CRABP2: variants seen among roughly 807,000 people sequenced by gnomAD.
CRABP2 encodes cellular retinoic acid binding protein 2, also known as cellular retinoic acid-binding protein 2.
Under a neutral mutation model 17.9 loss-of-function variants are expected in CRABP2, and 20 were observed. The observed-to-expected ratio is 1.12, with a 90% CI of 0.79 to 1.63. The LOEUF is 1.63. CRABP2 is among the 40% of genes most tolerant of loss of function. The probability of loss-of-function intolerance (pLI) is 0.00; values close to 1 mark genes in which losing one functional copy is unlikely to be tolerated. For missense variants in CRABP2, 151 were observed against 168.6 expected (o/e 0.90, Z 0.58); for synonymous variants, 76 against 66.4 (o/e 1.14, Z -0.70).
chr1:156,700,420 C>T (rs899706832), intron 3 of CRABP2, 122 bp downstream of exon 3: 16 of 775,098 alleles, frequency 2.1e-5, no homozygotes, highest in Non-Finnish European at 3.7e-5. Context: ...TCAAGCAGTC[C>T]CATCAGCAGG....
chr1:156,700,595 C>T lies in CRABP2; in HGVS notation c.313G>A (p.Gly105Ser). Reference sequence around the variant, plus strand: ...TCTCTGGTCCACGAGGTCTTGGGGCCCTCTCCCTTCAGGAGCTTCTGCTCA... The same window carrying T: ...TCTCTGGTCCACGAGGTCTTGGGGCTCTCTCCCTTCAGGAGCTTCTGCTCA... The part of the protein sequence containing the change: ...VCEQKLLKGE[G>S]PKTSWTRELT... The change falls in exon 3 of 4, where the codon GGC becomes AGC. Residue 105 changes from glycine to serine, a missense_variant. By Grantham distance (56) the Gly-to-Ser change is moderately conservative. Coordinates refer to ENST00000368222, the MANE Select transcript of CRABP2 (RefSeq NM_001878.4). The T allele has an allele frequency of 6.2e-7, 1 of 1,613,798 alleles. No individual in the cohort carries two copies. The highest frequency in any genetic ancestry group is 8.5e-7 in the Non-Finnish European group (1 of 1,179,986).
chr1:156,705,540 T>C lies in CRABP2; in HGVS notation c.-94A>G. 7.0e-7 allele frequency: 1 copy of C among 1,424,198 alleles called. No homozygotes were observed. Among genetic ancestry groups the C allele is most frequent in the Non-Finnish European group, 9.8e-7 (1 of 1,020,096 alleles). The allele number at this position is 1,424,198 out of a possible 1,614,324, so 88.2% of individuals were successfully genotyped here. ...AAGAGACGTCGCCGTCGCCGGGTCG[T>C]CAGGTTCTGGAACCAAGACAAGTCC... On this transcript the variant is annotated 5_prime_UTR_variant, in exon 1 of 4. Transcript: ENST00000368222. The surrounding 1 kb of genome is among the most constrained non-coding windows in gnomAD (Gnocchi z 5.2).
At chr1:156,704,517 T>G (rs1243877614) in intron 1 of CRABP2, among the ~76,000 whole-genome samples, 1 of 152,154 alleles carries the variant, frequency 6.6e-6, no homozygotes, top group Non-Finnish European at 1.5e-5. Context: ...CTGCCCCAGA[T>G]GTCTAGCCCA....
Position 156,700,582 on chromosome 1 carries a change from G to A in CRABP2, c.326C>T (p.Ser109Leu), listed in dbSNP as rs866002426. The A allele has an allele frequency of 3.7e-6, 6 of 1,614,040 alleles. No individual in the cohort carries two copies. The African/African-American group carries it at 4.0e-5, about 11-fold the overall frequency. The change falls in exon 3 of 4, where the codon TCG becomes TTG. Residue 109 changes from serine (S) to leucine (L), a missense_variant. Physicochemically the swap from Ser to Leu is moderately radical, Grantham distance 145 (BLOSUM62 -2). Coordinates refer to ENST00000368222, the MANE Select transcript of CRABP2 (RefSeq NM_001878.4). ...ATCGTTGGTCAGTTCTCTGGTCCAC[G>A]AGGTCTTGGGGCCCTCTCCCTTCAG... is the stretch of plus-strand genomic sequence containing the variant. ...KLLKGEGPKTSWTRELTNDGE... is the reference protein window; with the variant it reads ...KLLKGEGPKTLWTRELTNDGE...
upstream of CRABP2, chr1:156,705,600 C>T: frequency 1.3e-6 from 1 of 776,480 alleles, no homozygotes; most frequent in Non-Finnish European, 2.1e-6. This position sits in a 1 kb window ranked among gnomAD's most constrained non-coding sequence, Gnocchi z 5.2. Flanking sequence ...GGCTCCCGCG[C>T]GGACAGCTTT....
rs757125312 is a variant in CRABP2, at chr1:156,705,116, C to G, written c.70+261G>C. On this transcript the variant is annotated intron_variant, in intron 1 of 3. Coordinates refer to ENST00000368222, the MANE Select transcript of CRABP2 (RefSeq NM_001878.4). This position sits in a 1 kb window ranked among gnomAD's most constrained non-coding sequence, Gnocchi z 5.2. ...GGCCAGCCTCCCCTTCCCCCAGAGG[C>G]CAACCTCGCGCTTCTGGTTTCTACG... 1.3e-4 allele frequency among the ~76,000 whole-genome samples: 20 copies of G among 152,220 alleles called. No individual in the cohort carries two copies. Among genetic ancestry groups the G allele is most frequent in the Non-Finnish European group, 2.8e-4 (19 of 68,030 alleles).
chr1:156,700,454 T>A, intron 3 of CRABP2, 88 bp downstream of exon 3: 1 of 1,052,234 alleles, frequency 9.5e-7, no homozygotes, highest in African/African-American at 1.6e-5. Context: ...CCATGGTTGT[T>A]CTTGAGTCTC....
chr1:156,701,754 C>A (rs1648040449), intron 1 of CRABP2, among the ~76,000 whole-genome samples: 1 of 152,148 alleles, frequency 6.6e-6, no homozygotes, highest in African/African-American at 2.4e-5. Context: ...CTGGCTCAGC[C>A]CCCTTACAGG....
rs1647981559 is a variant in CRABP2, at chr1:156,700,068, C to T, written c.375G>A (p.Thr125=). The T allele has an allele frequency of 6.2e-6, 10 of 1,613,580 alleles. No homozygotes were observed. Among genetic ancestry groups the T allele is most frequent in the Non-Finnish European group, 8.5e-6 (10 of 1,179,738 alleles). Residue 125 remains threonine, a synonymous_variant, in exon 4 of 4, where the codon ACG becomes ACA. Transcript: ENST00000368222. ...TNDGELILTM[T]ADDVVCTRVY... ...CCCTGGTGCACACAACGTCATCCGC[C>T]GTCATGGTCTGGAAGGACAGAAGTA...
Position 156,701,976 on chromosome 1 carries a change from CA to C in CRABP2, c.71-925del, listed in dbSNP as rs1331183742. Among the ~76,000 whole-genome samples, 1,071 of 132,240 alleles carry C rather than the reference CA, an allele frequency of 8.1e-3. 5 individuals are homozygous for C. Among genetic ancestry groups the C allele is most frequent in the African/African-American group, 0.016 (571 of 36,000 alleles). The allele number at this position is 132,240 out of a possible 152,430, so 86.8% of individuals were successfully genotyped here. A position where few individuals can be genotyped will look rare whatever the true frequency, so the allele number is the denominator to read the frequency against. On this transcript the variant is annotated intron_variant, in intron 1 of 3. Coordinates refer to ENST00000368222, the MANE Select transcript of CRABP2 (RefSeq NM_001878.4). The stretch of plus-strand genomic sequence containing the variant: ...CAACATGCTGAAACCCCGACTCTAC[CA>C]AAAAAAAAAAAAAGCCAGGGCTGGA...
rs1039536566 is a variant in CRABP2 at position 156,705,218 on chromosome 1, G to T, written c.70+159C>A. ...GGAGAAAGCGGGATTTAGGCGTCGT[G>T]CCCAGAGCCCCGGGACCCGGACGCC... On this transcript the variant is annotated intron_variant, in intron 1 of 3. Coordinates refer to ENST00000368222, the MANE Select transcript of CRABP2 (RefSeq NM_001878.4). The surrounding 1 kb of genome is among the most constrained non-coding windows in gnomAD (Gnocchi z 5.2). 6.6e-6 allele frequency among the ~76,000 whole-genome samples: 1 copy of T among 152,214 alleles called. No individual in the cohort carries two copies. Among genetic ancestry groups the T allele is most frequent in the African/African-American group, 2.4e-5 (1 of 41,460 alleles).
At chr1:156,701,958 C>T (rs558807859) in intron 1 of CRABP2, among the ~76,000 whole-genome samples, 1 of 150,818 alleles carries the variant, frequency 6.6e-6, no homozygotes, top group African/African-American at 2.4e-5. Context: ...GGGCAACATG[C>T]TGAAACCCCG....
intron 3 of CRABP2, among the ~76,000 whole-genome samples, 153 bp from the exon 4 acceptor site, chr1:156,700,229 C>G (rs1004611645): frequency 1.3e-5 from 2 of 152,096 alleles, no homozygotes; most frequent in East Asian, 3.9e-4. Flanking sequence ...CCAGAATGCC[C>G]AGGCATCAAT....
In CRABP2 at chr1:156,700,093, A is replaced by G; in HGVS notation, c.367-17T>C. 1 of 1,612,590 alleles carries G rather than the reference A, an allele frequency of 6.2e-7. No homozygotes were observed. Among genetic ancestry groups the G allele is most frequent in the Non-Finnish European group, 8.5e-7 (1 of 1,179,248 alleles). On this transcript the variant is annotated splice_polypyrimidine_tract_variant and intron_variant, in intron 3 of 3. Coordinates refer to ENST00000368222, the MANE Select transcript of CRABP2 (RefSeq NM_001878.4). Reference sequence around the variant, plus strand: ...CGTCATGGTCTGGAAGGACAGAAGTAGTTGTTAGCCTGAGAGGCCCCTGGG... The same window carrying G: ...CGTCATGGTCTGGAAGGACAGAAGTGGTTGTTAGCCTGAGAGGCCCCTGGG...
chr1:156,699,965 T>G lies in CRABP2; in HGVS notation c.*61A>C. 1 of 1,563,186 alleles carries G rather than the reference T, an allele frequency of 6.4e-7. No individual in the cohort carries two copies. Among genetic ancestry groups the G allele is most frequent in the Non-Finnish European group, 8.7e-7 (1 of 1,145,672 alleles). On this transcript the variant is annotated 3_prime_UTR_variant, in exon 4 of 4. Transcript: ENST00000368222. ...GGAGGGGGTGGGACGGAGGGGGCAG[T>G]GAAGCAGGGCGGTGAGCATGGCCAG...
chr1:156,700,009 G>T lies in CRABP2; in HGVS notation c.*17C>A. 1 of 1,611,662 alleles carries T rather than the reference G, an allele frequency of 6.2e-7. No individual in the cohort carries two copies. Among genetic ancestry groups the T allele is most frequent in the Non-Finnish European group, 8.5e-7 (1 of 1,178,888 alleles). On this transcript the variant is annotated 3_prime_UTR_variant, in exon 4 of 4. Coordinates refer to ENST00000368222, the MANE Select transcript of CRABP2 (RefSeq NM_001878.4). ...TGGCCAGTGGTGGGCTTCGGCCGCG[G>T]TTCTACCTGTGGCCACTCACTCTCG...
chr1:156,700,927 A>G lies in CRABP2; in HGVS notation c.196T>C (p.Phe66Leu), dbSNP rs771394550. The G allele has an allele frequency of 6.2e-7, 1 of 1,614,144 alleles. No individual in the cohort carries two copies. The highest frequency in any genetic ancestry group is 1.7e-5 in the Admixed American group (1 of 60,024). Residue 66 changes from phenylalanine (F) to leucine (L), a missense_variant, in exon 2 of 4, where the codon TTC (phenylalanine) becomes CTC (leucine). By Grantham distance (22) the Phe-to-Leu change is conservative. Coordinates refer to ENST00000368222, the MANE Select transcript of CRABP2 (RefSeq NM_001878.4). Reference protein sequence around the residue: ...STTVRTTEINFKVGEEFEEQT... With the variant: ...STTVRTTEINLKVGEEFEEQT... ...TCCTCAAACTCCTCCCCAACCTTGA[A>G]GTTAATCTCTGTGGTGCGCACGGTG...
At chr1:156,700,355 C>T (rs1362427253) in intron 3 of CRABP2, among the ~76,000 whole-genome samples, 187 bp downstream of exon 3, 1 of 152,112 alleles carries the variant, frequency 6.6e-6, no homozygotes, top group Non-Finnish European at 1.5e-5. Flanking sequence ...ATAAAAGGAA[C>T]ACCATTTCTA....
chr1:156,703,406 G>T (rs971348863), intron 1 of CRABP2, among the ~76,000 whole-genome samples: 1 of 152,188 alleles, frequency 6.6e-6, no homozygotes, highest in East Asian at 1.9e-4. Context: ...AGAGCAGGGG[G>T]CCTCTCTGGA....
Sources: gnomAD v4.1 joint callset for allele counts (sites outside exome capture counted in the v4.1 genomes callset) on GRCh38, gnomAD v4.1.1 for gene constraint, Gnocchi (gnomAD v3.1) non-coding constraint, MANE v1.5 for transcripts, NCBI Gene and HGNC (gene_info 2026-07-23, HGNC 2026-07-21) for gene names.